Variants in TLE4 observed in about 807,000 individuals in gnomAD.
TLE4 encodes transducin-like enhancer protein 4.
Under a neutral mutation model 92.8 loss-of-function variants are expected in TLE4, and 8 were observed. That is an observed-to-expected ratio of 0.09 (90% CI 0.05 to 0.16). The LOEUF (loss-of-function observed/expected upper bound fraction) is 0.16, where lower values mean the gene tolerates loss of function less well. Among genes scored for constraint, TLE4 ranks in the 10% least tolerant of loss-of-function variants. TLE4 has a pLI of 1.00. For missense variants in TLE4, 675 were observed against 997.6 expected (o/e 0.68, Z 4.36); for synonymous variants, 371 against 374.1 (o/e 0.99, Z 0.10).
intron 6 of TLE4, among the ~76,000 whole-genome samples, chr9:79,636,462 G>A (rs1336546889): frequency 1.3e-5 from 2 of 152,068 alleles, no homozygotes; most frequent in Admixed American, 6.6e-5. Flanking sequence ...TCATTCAGCT[G>A]TCCTTAAGCC....
intron 5 of TLE4, among the ~76,000 whole-genome samples, chr9:79,616,496 C>T (rs1299177421): frequency 6.6e-6 from 1 of 152,128 alleles, no homozygotes; most frequent in Non-Finnish European, 1.5e-5. Flanking sequence ...ACCAGCCCTC[C>T]CTCCCTTTTC....
At chr9:79,613,818 A>T (rs893701933) in intron 5 of TLE4, among the ~76,000 whole-genome samples, 1 of 152,028 alleles carries the variant, frequency 6.6e-6, no homozygotes, top group Non-Finnish European at 1.5e-5. Flanking sequence ...TTTGGTCTGG[A>T]CTGGGTTAGA....
chr9:79,639,552 G>A (rs2056722593), intron 6 of TLE4, among the ~76,000 whole-genome samples: 1 of 152,140 alleles, frequency 6.6e-6, no homozygotes, highest in Non-Finnish European at 1.5e-5. Flanking sequence ...ACTCACCACT[G>A]ACTCATTCAG....
chr9:79,722,745 C>G (rs1172073384), intron 18 of TLE4, 144 bp downstream of exon 18: 30 of 1,102,020 alleles, frequency 2.7e-5, no homozygotes, highest in Non-Finnish European at 3.5e-5. Context: ...TGCCTGCTTC[C>G]CCAACACCAT....
intron 14 of TLE4, among the ~76,000 whole-genome samples, chr9:79,710,630 T>C (rs1365017024): frequency 6.6e-6 from 1 of 152,176 alleles, no homozygotes; most frequent in Admixed American, 6.5e-5. Flanking sequence ...ATTTTGTCCT[T>C]ACTGTCCTTC....
In TLE4 at chr9:79,704,851, C is replaced by T. The variant is rs781597665; in HGVS notation, c.678C>T (p.Ser226=). ...AEKHRNSADY[S]SESKKQKTEE... ...AGCACAGAAACTCCGCAGACTACTC[C>T]TCAGAGAGCAAAAAGCAGAAAACTG... Residue 226 remains serine (S), a synonymous_variant, in exon 9 of 20, where the codon TCC becomes TCT. Coordinates refer to ENST00000376552, the MANE Select transcript of TLE4 (RefSeq NM_007005.6). The T allele has an allele frequency of 1.9e-6, 3 of 1,614,176 alleles. No homozygotes were observed. The highest frequency in any genetic ancestry group is 2.2e-5 in the East Asian group (1 of 44,878).
chr9:79,663,913 G>A (rs776792845), intron 8 of TLE4, among the ~76,000 whole-genome samples: 6 of 152,174 alleles, frequency 3.9e-5, no homozygotes, highest in Non-Finnish European at 5.9e-5. Flanking sequence ...ATTATGCAGC[G>A]TTTCTCGGAC....
At chr9:79,573,300 C>T (rs1248815734) in intron 1 of TLE4, 3 of 1,036,986 alleles carry the variant, frequency 2.9e-6, no homozygotes, top group Non-Finnish European at 3.5e-6. Flanking sequence ...GGCCGCCTCC[C>T]TCCTCCCCCG....
At chr9:79,660,133 T>C (rs957837060) in intron 8 of TLE4, among the ~76,000 whole-genome samples, 2 of 152,182 alleles carry the variant, frequency 1.3e-5, no homozygotes, top group African/African-American at 4.8e-5. Context: ...ACATTTAGAA[T>C]ATGAGCCATT....
At chr9:79,610,487 C>G (rs1807346257) in intron 4 of TLE4, among the ~76,000 whole-genome samples, 1 of 151,978 alleles carries the variant, frequency 6.6e-6, no homozygotes, top group Admixed American at 6.6e-5. Flanking sequence ...TCCGAGGCAA[C>G]TTTAGATTTC....
At chr9:79,639,092 G>C (rs941920449) in intron 6 of TLE4, among the ~76,000 whole-genome samples, 2 of 152,062 alleles carry the variant, frequency 1.3e-5, no homozygotes, top group Admixed American at 6.6e-5. Flanking sequence ...TTTTAATATG[G>C]TTATGTGAAG....
rs1231380187 is a variant in TLE4, at chr9:79,726,028, A to G, written c.*884A>G. Reference sequence around the variant, plus strand: ...GTCAGTTTTGTTGTTATGAGAAATTATGGGTTATTTTGTGGCATGCTCTTT... The same window carrying G: ...GTCAGTTTTGTTGTTATGAGAAATTGTGGGTTATTTTGTGGCATGCTCTTT... On this transcript the variant is annotated 3_prime_UTR_variant, in exon 20 of 20. Transcript: ENST00000376552. 1 of 152,602 alleles carries G rather than the reference A, an allele frequency of 6.6e-6. No individual in the cohort carries two copies. The highest frequency in any genetic ancestry group is 2.4e-5 in the African/African-American group (1 of 41,448). The allele number at this position is 152,602 out of a possible 1,614,324, so 9.5% of individuals were successfully genotyped here.
intron 8 of TLE4, among the ~76,000 whole-genome samples, chr9:79,690,303 A>T (rs2066779002): frequency 6.6e-6 from 1 of 152,160 alleles, no homozygotes; most frequent in Non-Finnish European, 1.5e-5. Context: ...CATAAACGTG[A>T]AGTGTCATTT....
intron 6 of TLE4, among the ~76,000 whole-genome samples, chr9:79,635,570 G>T (rs1286344925): frequency 6.7e-6 from 1 of 149,880 alleles, no homozygotes; most frequent in Non-Finnish European, 1.5e-5. Context: ...GCATTAAGTT[G>T]AGGTTTTTTT....
chr9:79,630,845 C>T (rs2053981388), intron 6 of TLE4, among the ~76,000 whole-genome samples: 1 of 151,932 alleles, frequency 6.6e-6, no homozygotes, highest in Non-Finnish European at 1.5e-5. Flanking sequence ...AAGAATTTCA[C>T]CAAAGAAACT....
intron 4 of TLE4, among the ~76,000 whole-genome samples, chr9:79,585,320 A>G (rs1204532034): frequency 6.6e-6 from 1 of 152,194 alleles, no homozygotes; most frequent in Non-Finnish European, 1.5e-5. Context: ...CTTGCTTGAA[A>G]TCAGCTAGCC....
chr9:79,579,127 A>T (rs768204593), intron 4 of TLE4, among the ~76,000 whole-genome samples: 2 of 152,228 alleles, frequency 1.3e-5, no homozygotes, highest in Non-Finnish European at 2.9e-5. Flanking sequence ...TTATTCCCTA[A>T]GGATTTCCCT....
intron 8 of TLE4, among the ~76,000 whole-genome samples, chr9:79,672,281 A>G (rs1375413910): frequency 6.6e-6 from 1 of 152,088 alleles, no homozygotes; most frequent in Non-Finnish European, 1.5e-5. Flanking sequence ...GTTTGCCCTC[A>G]TGGGAAGAGT....
At chr9:79,639,462 T>C (rs530416597) in intron 6 of TLE4, among the ~76,000 whole-genome samples, 38 of 152,260 alleles carry the variant, frequency 2.5e-4, no homozygotes, top group African/African-American at 9.1e-4. Flanking sequence ...AAATTACTTT[T>C]TAAATAATTT....
Sources: gnomAD v4.1 joint callset for allele counts (sites outside exome capture counted in the v4.1 genomes callset) on GRCh38, gnomAD v4.1.1 for gene constraint, MANE v1.5 for transcripts, NCBI Gene and HGNC (gene_info 2026-07-23, HGNC 2026-07-21) for gene names.